Variants in PIAS4 observed in about 807,000 individuals in gnomAD.
The protein encoded by PIAS4 is E3 SUMO-protein ligase PIAS4.
PIAS4 carries 7 observed loss-of-function variants against 58.0 expected under a neutral mutation model. The observed-to-expected ratio is 0.12, with a 90% CI of 0.07 to 0.23. The LOEUF (loss-of-function observed/expected upper bound fraction) is 0.23, where lower values mean the gene tolerates loss of function less well. Among genes scored for constraint, PIAS4 ranks in the 10% least tolerant of loss-of-function variants. The pLI, the probability that PIAS4 is intolerant of heterozygous loss-of-function variation, is 1.00. For synonymous variants in PIAS4, 364 were observed against 312.4 expected (o/e 1.17, Z -1.74); for missense variants, 550 against 709.5 (o/e 0.78, Z 2.55).
intron 7 of PIAS4, among the ~76,000 whole-genome samples, chr19:4,030,331 G>A (rs537998790): frequency 6.7e-6 from 1 of 149,736 alleles, no homozygotes; most frequent in African/African-American, 2.4e-5. Flanking sequence ...TTAAAAGAAA[G>A]CCTGCCGGCA....
chr19:4,023,048 G>A (rs1320624413), intron 2 of PIAS4, among the ~76,000 whole-genome samples: 1 of 151,432 alleles, frequency 6.6e-6, no homozygotes, highest in East Asian at 2.0e-4. Context: ...GCTCATGCCT[G>A]TAATCCCAGC....
Position 4,038,508 on chromosome 19 carries a change from G to T in PIAS4, c.*633G>T, listed in dbSNP as rs2040328354. 2 of 152,130 alleles carry T rather than the reference G, an allele frequency of 1.3e-5. No individual in the cohort carries two copies. Among genetic ancestry groups the T allele is most frequent in the African/African-American group, 4.8e-5 (2 of 41,408 alleles). The allele number at this position is 152,130 out of a possible 1,614,324, so 9.4% of individuals were successfully genotyped here. On this transcript the variant is annotated 3_prime_UTR_variant, in exon 11 of 11. Coordinates refer to ENST00000262971, the MANE Select transcript of PIAS4 (RefSeq NM_015897.4). This position sits in a 1 kb window ranked among gnomAD's most constrained non-coding sequence, Gnocchi z 4.1. ...ACAGTGGGCGGCTGGGGAGGGTTTA[G>T]CCACAGATGTGTTGTATTTTTTGAA...
At chr19:4,009,572 C>T (rs1039876465) in intron 1 of PIAS4, among the ~76,000 whole-genome samples, 34 of 151,888 alleles carry the variant, frequency 2.2e-4, no homozygotes, top group African/African-American at 7.7e-4. Context: ...GGGCCCCCCC[C>T]CACCCCAATT....
intron 3 of PIAS4, among the ~76,000 whole-genome samples, chr19:4,025,752 G>GT (rs66809072): frequency 0.052 from 7,948 of 152,198 alleles, 694 homozygotes; most frequent in African/African-American, 0.18. Context: ...CTGCTGCAGA[G>GT]TGCTCAGAGC....
At position 4,024,351 on chromosome 19, in the gene PIAS4, G is replaced by T. The variant is rs577604229; in HGVS notation, c.539+231G>T. On this transcript the variant is annotated intron_variant, in intron 3 of 10. Coordinates refer to ENST00000262971, the MANE Select transcript of PIAS4 (RefSeq NM_015897.4). ...GTGCCCTGCAGCCTGCTAGAGAGAG[G>T]CGGACTGACTGTGCCCTTTTAACAC... Among the ~76,000 whole-genome samples the T allele has an allele frequency of 3.9e-5, 6 of 152,350 alleles. No homozygotes were observed. The East Asian group carries it at 1.2e-3, about 29-fold the overall frequency.
rs764058396 is a variant in PIAS4, at chr19:4,033,537, G to A, written c.1099G>A (p.Val367Met). Residue 367 changes from valine (V) to methionine (M), a missense_variant, in exon 9 of 11, where the codon GTG (valine) becomes ATG (methionine). This residue lies in a region of PIAS4 where 225 missense variants were observed against 345.8 expected (regional missense o/e 0.65). Transcript: ENST00000262971. The stretch of plus-strand genomic sequence containing the variant: ...GAAGAAGCCCACCTGGATGTGCCCC[G>A]TGTGCGACAAGCCAGCCCCCTACGA... Reference protein sequence around the residue: ...NEKKPTWMCPVCDKPAPYDQL... With the variant: ...NEKKPTWMCPMCDKPAPYDQL... 2 of 1,608,620 alleles carry A rather than the reference G, an allele frequency of 1.2e-6. No individual in the cohort carries two copies. The highest frequency in any genetic ancestry group is 1.1e-5 in the South Asian group (1 of 90,094).
intron 7 of PIAS4, among the ~76,000 whole-genome samples, chr19:4,031,663 G>A (rs932565164): frequency 6.6e-6 from 1 of 152,196 alleles, no homozygotes; most frequent in Non-Finnish European, 1.5e-5. Context: ...AGAGCCCGCA[G>A]TGCTGGGGGC....
intron 1 of PIAS4, among the ~76,000 whole-genome samples, chr19:4,012,491 C>A (rs2040005868): frequency 6.6e-6 from 1 of 152,102 alleles, no homozygotes; most frequent in Non-Finnish European, 1.5e-5. Flanking sequence ...GGGTTGAGCG[C>A]CCGCCCAGCC....
intron 9 of PIAS4, among the ~76,000 whole-genome samples, chr19:4,036,827 C>T (rs540206030): frequency 1.2e-4 from 17 of 140,916 alleles, no homozygotes; most frequent in Non-Finnish European, 2.0e-4. Context: ...GTACAGTCCA[C>T]ACCGTCACAC....
rs1055223043 is a variant in PIAS4, at chr19:4,032,132, G to A, written c.908-968G>A. Among the ~76,000 whole-genome samples, 10 of 152,258 alleles carry A rather than the reference G, an allele frequency of 6.6e-5. No individual in the cohort carries two copies. The South Asian group carries it at 1.9e-3, about 28-fold the overall frequency. On this transcript the variant is annotated intron_variant, in intron 7 of 10. Transcript: ENST00000262971. ...AGGAAGTGGCTCCCAAGCGGGCAGA[G>A]ATAAGTGGTGTTTCAGGCCAATAAG...
chr19:4,010,479 C>T (rs2039982227), intron 1 of PIAS4, among the ~76,000 whole-genome samples: 1 of 152,244 alleles, frequency 6.6e-6, no homozygotes. Context: ...GTCTGCAAGC[C>T]TTTTTGTTTT....
chr19:4,013,654 G>T lies in PIAS4; in HGVS notation c.454+305G>T, dbSNP rs1420078970. The stretch of plus-strand genomic sequence containing the variant: ...GGCTTGGGGGCTCTCATGAGGCTCA[G>T]TCAGGCTGGAGCCACCTCATCTGGA... On this transcript the variant is annotated intron_variant, in intron 2 of 10. Coordinates refer to ENST00000262971, the MANE Select transcript of PIAS4 (RefSeq NM_015897.4). This position sits in a 1 kb window ranked among gnomAD's most constrained non-coding sequence, Gnocchi z 5.1. 2.7e-5 allele frequency among the ~76,000 whole-genome samples: 4 copies of T among 150,494 alleles called. No individual in the cohort carries two copies. Among genetic ancestry groups the T allele is most frequent in the Non-Finnish European group, 5.9e-5 (4 of 67,360 alleles).
At chr19:4,036,980 TGCTC>T (rs1375745358) in intron 9 of PIAS4, among the ~76,000 whole-genome samples, 10 of 152,150 alleles carry the variant, frequency 6.6e-5, no homozygotes, top group African/African-American at 2.4e-4. Context: ...CACACGCACA[TGCTC>T]GCACACATGC....
intron 7 of PIAS4, among the ~76,000 whole-genome samples, chr19:4,030,202 G>A (rs998842962): frequency 1.3e-4 from 19 of 142,594 alleles, no homozygotes; most frequent in Non-Finnish European, 2.4e-4. Context: ...AGCTCAAGCA[G>A]TGCACCTGCC....
At chr19:4,011,248 C>T (rs1358579048) in intron 1 of PIAS4, among the ~76,000 whole-genome samples, 2 of 152,254 alleles carry the variant, frequency 1.3e-5, no homozygotes, top group African/African-American at 4.8e-5. Flanking sequence ...GAGCTTTCTC[C>T]CCATTCCTCC....
At chr19:4,020,690 G>A (rs1484944732) in intron 2 of PIAS4, among the ~76,000 whole-genome samples, 3 of 152,162 alleles carry the variant, frequency 2.0e-5, no homozygotes, top group African/African-American at 7.2e-5. Flanking sequence ...GAACTTCTGA[G>A]CCCAAGCAGT....
chr19:4,013,391 C>T lies in PIAS4; in HGVS notation c.454+42C>T, dbSNP rs7257356. Reference sequence around the variant, plus strand: ...GGGAGGCTGCGACTGGAGGCTTCACCTAGGCCCCGTCGCCCAGCCCAGCCC... The same window carrying T: ...GGGAGGCTGCGACTGGAGGCTTCACTTAGGCCCCGTCGCCCAGCCCAGCCC... On this transcript the variant is annotated intron_variant, in intron 2 of 10. Transcript: ENST00000262971. The surrounding 1 kb of genome is among the most constrained non-coding windows in gnomAD (Gnocchi z 5.1). 176,921 of 1,550,552 alleles carry T rather than the reference C, an allele frequency of 0.11. 12,096 individuals carry two copies. The highest frequency in any genetic ancestry group is 0.3 in the African/African-American group (22,060 of 73,824).
chr19:4,037,495 C>G lies in PIAS4; in HGVS notation c.1264C>G (p.Leu422Val). ...CAGCTGCAGCCCGCAGGGCGCCATCCTCGTGCTGGGTGAGTGCCTCACCCC... is the reference window on the plus strand; with the variant it reads ...CAGCTGCAGCCCGCAGGGCGCCATCGTCGTGCTGGGTGAGTGCCTCACCCC... Reference protein sequence around the residue: ...ERSCSPQGAILVLGPSDANGL... With the variant: ...ERSCSPQGAIVVLGPSDANGL... The change falls in exon 10 of 11, where the codon CTC becomes GTC. Residue 422 changes from leucine (L) to valine (V), a missense_variant. Physicochemically the swap from Leu to Val is conservative, Grantham distance 32. Transcript: ENST00000262971. The surrounding 1 kb of genome is among the most constrained non-coding windows in gnomAD (Gnocchi z 5.8). 1.2e-6 allele frequency: 2 copies of G among 1,610,516 alleles called. No individual in the cohort carries two copies. The highest frequency in any genetic ancestry group is 1.7e-6 in the Non-Finnish European group (2 of 1,179,502).
chr19:4,019,967 A>G (rs1599220841), intron 2 of PIAS4, among the ~76,000 whole-genome samples: 1 of 148,350 alleles, frequency 6.7e-6, no homozygotes, highest in African/African-American at 2.5e-5. Flanking sequence ...CCCGGGCTGG[A>G]GTGCAGCGGC....
Sources: allele counts gnomAD v4.1 joint callset (sites outside exome capture counted in the v4.1 genomes callset), GRCh38; gene constraint gnomAD v4.1.1; regional missense constraint gnomAD v4.1.1; non-coding constraint Gnocchi (gnomAD v3.1); transcripts MANE v1.5; gene names NCBI Gene and HGNC (gene_info 2026-07-23, HGNC 2026-07-21).